Variants in ROR2 observed in about 807,000 individuals in gnomAD.
ROR2 encodes tyrosine-protein kinase transmembrane receptor ROR2.
Under a neutral mutation model 74.9 loss-of-function variants are expected in ROR2, and 33 were observed. That is an observed-to-expected ratio of 0.44 (90% CI 0.33 to 0.59). The LOEUF (loss-of-function observed/expected upper bound fraction) is 0.59, where lower values mean the gene tolerates loss of function less well. Ranked by LOEUF, ROR2 falls within the 20% of genes least tolerant of loss-of-function variation. The probability of loss-of-function intolerance (pLI) is 0.02; values close to 1 mark genes in which losing one functional copy is unlikely to be tolerated. For synonymous variants in ROR2, 586 were observed against 558.7 expected, an observed-to-expected ratio of 1.05 and a Z score of -0.69; for missense variants, 1,216 against 1,313.8, an observed-to-expected ratio of 0.93 and a Z score of 1.15.
intron 5 of ROR2, among the ~76,000 whole-genome samples, chr9:91,735,977 G>A (rs1222712889): frequency 6.6e-6 from 1 of 152,174 alleles, no homozygotes; most frequent in East Asian, 1.9e-4. Flanking sequence ...TTTTACGAAG[G>A]GTGAAAGTTA....
At chr9:91,768,974 C>T (rs569515992) in intron 2 of ROR2, among the ~76,000 whole-genome samples, 1 of 152,316 alleles carries the variant, frequency 6.6e-6, no homozygotes, top group South Asian at 2.1e-4. Context: ...GCAACGCTCA[C>T]AACCTGGACA....
chr9:91,829,482 G>A (rs765731534), intron 1 of ROR2, among the ~76,000 whole-genome samples: 5 of 147,166 alleles, frequency 3.4e-5, no homozygotes, highest in Admixed American at 1.4e-4. Context: ...CCCAGAAGGC[G>A]GAGGTTGCAG....
intron 4 of ROR2, among the ~76,000 whole-genome samples, chr9:91,742,053 T>C (rs909481347): frequency 2.0e-5 from 3 of 152,202 alleles, no homozygotes; most frequent in Non-Finnish European, 4.4e-5. Flanking sequence ...TACCTGAGAC[T>C]GTGAGCAAAA....
intron 4 of ROR2, among the ~76,000 whole-genome samples, chr9:91,754,048 C>CT (rs1825665471): frequency 9.5e-6 from 1 of 104,912 alleles, no homozygotes; most frequent in African/African-American, 3.7e-5. Flanking sequence ...GATGATTTAC[C>CT]TTTATGACAA....
chr9:91,845,902 A>AAATAAAAT (rs1828915542), intron 1 of ROR2, among the ~76,000 whole-genome samples: 1 of 144,970 alleles, frequency 6.9e-6, no homozygotes, highest in Admixed American at 6.8e-5. Flanking sequence ...AAAAAAAAAA[A>AAATAAAAT]AAAAAATAGG....
intron 1 of ROR2, among the ~76,000 whole-genome samples, chr9:91,860,279 C>A (rs1829432346): frequency 6.6e-6 from 1 of 152,098 alleles, no homozygotes; most frequent in African/African-American, 2.4e-5. Context: ...CTTGGTGACT[C>A]CCTGATTGTG....
intron 1 of ROR2, among the ~76,000 whole-genome samples, chr9:91,786,554 T>C (rs1301546808): frequency 6.6e-6 from 1 of 152,102 alleles, no homozygotes; most frequent in Non-Finnish European, 1.5e-5. Context: ...CTACTCCCAC[T>C]GCCCCTCCCT....
At chr9:91,809,873 C>G (rs1415835757) in intron 1 of ROR2, among the ~76,000 whole-genome samples, 2 of 152,222 alleles carry the variant, frequency 1.3e-5, no homozygotes, top group Non-Finnish European at 2.9e-5. Flanking sequence ...CTGCCCTCCG[C>G]ACATCTTGAC....
At chr9:91,880,091 C>T (rs1830066130) in intron 1 of ROR2, among the ~76,000 whole-genome samples, 1 of 151,976 alleles carries the variant, frequency 6.6e-6, no homozygotes, top group Non-Finnish European at 1.5e-5. Context: ...GGAGACAGAA[C>T]CTTTGAAGAA....
intron 1 of ROR2, among the ~76,000 whole-genome samples, chr9:91,888,229 G>C (rs1409088560): frequency 2.6e-5 from 4 of 152,106 alleles, no homozygotes; most frequent in Non-Finnish European, 5.9e-5. Context: ...CCAGGTTCAT[G>C]AGTGTTTGGA....
At chr9:91,740,364 C>T (rs751667935) in intron 4 of ROR2, among the ~76,000 whole-genome samples, 8 of 151,866 alleles carry the variant, frequency 5.3e-5, no homozygotes, top group Non-Finnish European at 8.8e-5. Flanking sequence ...CTGGCTAACA[C>T]GGTGAAACCC....
At chr9:91,872,225 T>C (rs1216726045) in intron 1 of ROR2, among the ~76,000 whole-genome samples, 2 of 152,226 alleles carry the variant, frequency 1.3e-5, no homozygotes, top group Admixed American at 1.3e-4. Context: ...ACTCTTGGTA[T>C]GATATAACCT....
intron 1 of ROR2, among the ~76,000 whole-genome samples, chr9:91,776,038 C>A (rs1363688779): frequency 6.6e-6 from 1 of 152,138 alleles, no homozygotes; most frequent in African/African-American, 2.4e-5. Context: ...ACAAGAATAG[C>A]AAATGCGGGG....
At chr9:91,818,208 A>C (rs1386389061) in intron 1 of ROR2, among the ~76,000 whole-genome samples, 1 of 152,224 alleles carries the variant, frequency 6.6e-6, no homozygotes, top group Non-Finnish European at 1.5e-5. Context: ...TGGCGATCAA[A>C]TCCTCTAATT....
chr9:91,865,370 A>G (rs1587799330), intron 1 of ROR2, among the ~76,000 whole-genome samples: 1 of 152,210 alleles, frequency 6.6e-6, no homozygotes, highest in Non-Finnish European at 1.5e-5. Context: ...CAACTGTGAA[A>G]CCACGTTTTG....
chr9:91,939,696 T>C (rs1386544183), intron 1 of ROR2, among the ~76,000 whole-genome samples: 1 of 151,900 alleles, frequency 6.6e-6, no homozygotes, highest in Non-Finnish European at 1.5e-5. Flanking sequence ...TTTGTGTTTG[T>C]TACTGGAAAA....
intron 1 of ROR2, among the ~76,000 whole-genome samples, chr9:91,816,355 C>T (rs1827933145): frequency 6.6e-6 from 1 of 152,180 alleles, no homozygotes; most frequent in South Asian, 2.1e-4. Context: ...CAACTAAGCT[C>T]CAAATCTTCA....
At chr9:91,807,601 C>T (rs1827608487) in intron 1 of ROR2, among the ~76,000 whole-genome samples, 1 of 152,152 alleles carries the variant, frequency 6.6e-6, no homozygotes, top group South Asian at 2.1e-4. Context: ...GAAGAAGAGG[C>T]AGTCTTGCAG....
At chr9:91,819,363 G>T (rs755568369) in intron 1 of ROR2, among the ~76,000 whole-genome samples, 93 of 152,326 alleles carry the variant, frequency 6.1e-4, no homozygotes, top group Non-Finnish European at 9.4e-4. Flanking sequence ...CTGTTCATCT[G>T]TATGTGTGTC....
Sources: gnomAD v4.1 joint callset for allele counts (sites outside exome capture counted in the v4.1 genomes callset) on GRCh38, gnomAD v4.1.1 for gene constraint, MANE v1.5 for transcripts, NCBI Gene and HGNC (gene_info 2026-07-23, HGNC 2026-07-21) for gene names.